DPP10: variants seen among roughly 807,000 people sequenced by gnomAD.
The protein encoded by DPP10 is dipeptidyl peptidase like 10.
DPP10 carries 33 observed loss-of-function variants against 120.9 expected under a neutral mutation model. The observed-to-expected ratio is 0.27, with a 90% confidence interval of 0.21 to 0.37. DPP10 has a LOEUF of 0.37. Ranked by LOEUF, DPP10 falls within the 10% of genes least tolerant of loss-of-function variation. The pLI is 1.00. For synonymous variants in DPP10, 337 were observed against 326.1 expected, an observed-to-expected ratio of 1.03 and a Z score of -0.36; for missense variants, 816 against 942.8, an observed-to-expected ratio of 0.87 and a Z score of 1.76.
chr2:115,036,161 G>A (rs1704213534), intron 1 of DPP10, among the ~76,000 whole-genome samples: 1 of 152,174 alleles, frequency 6.6e-6, no homozygotes, highest in Admixed American at 6.5e-5. Flanking sequence ...AGGGTGGCAG[G>A]ACAGAGTAAG....
At chr2:114,980,072 T>A (rs1699989383) in intron 1 of DPP10, among the ~76,000 whole-genome samples, 1 of 152,146 alleles carries the variant, frequency 6.6e-6, no homozygotes. Context: ...TTTATTTCCC[T>A]ACCTTCCATC....
chr2:114,918,120 C>T (rs1303621150), intron 1 of DPP10, among the ~76,000 whole-genome samples: 2 of 152,048 alleles, frequency 1.3e-5, no homozygotes, highest in Non-Finnish European at 1.5e-5. Flanking sequence ...ACCAAACAAT[C>T]TCATTAAAGA....
intron 1 of DPP10, chr2:114,462,229 A>G (rs991918920): frequency 3.9e-6 from 3 of 772,898 alleles, no homozygotes; most frequent in Non-Finnish European, 4.7e-6. Flanking sequence ...AGAGCCGTAT[A>G]TACCACCCTA....
chr2:114,490,654 G>A (rs1013604954), intron 1 of DPP10, among the ~76,000 whole-genome samples: 7 of 152,142 alleles, frequency 4.6e-5, no homozygotes, highest in African/African-American at 1.4e-4. Flanking sequence ...GGGGAGAAGA[G>A]GGAGAAGGTG....
At chr2:114,646,159 CAAATAAATAAAT>C (rs3029136) in intron 1 of DPP10, among the ~76,000 whole-genome samples, 12 of 140,724 alleles carry the variant, frequency 8.5e-5, no homozygotes, top group South Asian at 7.1e-4. Context: ...GCCTCAGTCT[CAAATAAATAAAT>C]AAATAAATAA....
chr2:115,462,746 G>C (rs1004790773), intron 3 of DPP10, among the ~76,000 whole-genome samples: 8 of 151,920 alleles, frequency 5.3e-5, no homozygotes, highest in African/African-American at 1.9e-4. Flanking sequence ...TCCTGCTTTT[G>C]TTTGAGAGAG....
intron 1 of DPP10, among the ~76,000 whole-genome samples, chr2:114,690,242 C>T (rs951851368): frequency 6.6e-6 from 1 of 151,902 alleles, no homozygotes; most frequent in Non-Finnish European, 1.5e-5. Context: ...TTTTGTATGT[C>T]TTGAGTTAAT....
chr2:115,689,994 GA>G, intron 7 of DPP10, 73 bp downstream of exon 7: 1 of 1,467,912 alleles, frequency 6.8e-7, no homozygotes, highest in Non-Finnish European at 9.3e-7. Flanking sequence ...TGAAACTTTG[GA>G]AAAACCATAG....
At chr2:114,468,956 T>C (rs1045261388) in intron 1 of DPP10, among the ~76,000 whole-genome samples, 5 of 151,820 alleles carry the variant, frequency 3.3e-5, no homozygotes, top group African/African-American at 1.2e-4. Flanking sequence ...GAAAAAAGGG[T>C]GGAAAAGGAA....
intron 21 of DPP10, among the ~76,000 whole-genome samples, chr2:115,818,339 A>G (rs994558976): frequency 4.6e-5 from 7 of 152,250 alleles, no homozygotes; most frequent in African/African-American, 9.6e-5. Context: ...AAAAAAGTAC[A>G]TGCAGTAGGG....
intron 3 of DPP10, among the ~76,000 whole-genome samples, chr2:115,389,038 T>C (rs2106530360): frequency 6.6e-6 from 1 of 152,322 alleles, no homozygotes; most frequent in Non-Finnish European, 1.5e-5. Context: ...CTTCTCCAAC[T>C]TTCCTTTACC....
Position 115,663,005 on chromosome 2 carries a change from T to A in DPP10, c.442-26682T>A, listed in dbSNP as rs1002865054. Among the ~76,000 whole-genome samples, 6 of 152,072 alleles carry A rather than the reference T, an allele frequency of 3.9e-5. 1 individual carries two copies. Among genetic ancestry groups the A allele is most frequent in the Admixed American group, 1.3e-4 (2 of 15,260 alleles). ...AATTTTTATTTTTTATTTTATCTTT[T>A]TTTACAATTTTTGTGGGTACATACT... On this transcript the variant is annotated intron_variant, in intron 5 of 25. Coordinates refer to ENST00000410059, the MANE Select transcript of DPP10 (RefSeq NM_020868.6).
chr2:115,541,883 G>A (rs530594821), intron 5 of DPP10, among the ~76,000 whole-genome samples: 3 of 151,870 alleles, frequency 2.0e-5, no homozygotes, highest in South Asian at 4.2e-4. Flanking sequence ...GTGCTAGGGA[G>A]ACTTTTATTT....
chr2:115,221,675 T>G (rs2057167562), intron 1 of DPP10, among the ~76,000 whole-genome samples: 1 of 151,880 alleles, frequency 6.6e-6, no homozygotes, highest in African/African-American at 2.4e-5. Flanking sequence ...TCATGGACAC[T>G]AGAAGAGATT....
In DPP10 at chr2:115,756,389, A is replaced by T. The variant is rs551588135; in HGVS notation, c.1074+3092A>T. 5.3e-5 allele frequency among the ~76,000 whole-genome samples: 8 copies of T among 152,272 alleles called. No homozygotes were observed. In the East Asian group the frequency reaches 1.5e-3, roughly 29 times the overall value. The stretch of plus-strand genomic sequence containing the variant: ...GTTTGAGGTAGTGGATATATTAATT[A>T]TCCTGACTTTGTCATTACACATTTT... On this transcript the variant is annotated intron_variant, in intron 11 of 25. Coordinates refer to ENST00000410059, the MANE Select transcript of DPP10 (RefSeq NM_020868.6).
At chr2:115,313,169 G>A (rs756155416) in intron 2 of DPP10, among the ~76,000 whole-genome samples, 5 of 152,080 alleles carry the variant, frequency 3.3e-5, no homozygotes, top group Non-Finnish European at 7.4e-5. Context: ...GTTGCAGTGA[G>A]CCCAGATCGC....
At chr2:115,526,285 T>C (rs760804778) in intron 5 of DPP10, 5 of 250,844 alleles carry the variant, frequency 2.0e-5, no homozygotes, top group Non-Finnish European at 3.8e-5. Flanking sequence ...AAGATAAGCC[T>C]TACCATATAC....
At chr2:115,387,579 G>T (rs1296319966) in intron 3 of DPP10, among the ~76,000 whole-genome samples, 1 of 152,070 alleles carries the variant, frequency 6.6e-6, no homozygotes. Flanking sequence ...TCTAAAGAAA[G>T]TAAAGATCCC....
At chr2:114,594,997 GTGTTTGTTCTATGCTTTCTTGT>G (rs1691790177) in intron 1 of DPP10, among the ~76,000 whole-genome samples, 1 of 151,678 alleles carries the variant, frequency 6.6e-6, no homozygotes. Context: ...TTCTCTCTTG[GTGTTTGTTCTATGCTTTCTTGT>G]AAAAAAACAT....
Sources: allele counts gnomAD v4.1 joint callset (sites outside exome capture counted in the v4.1 genomes callset), GRCh38; gene constraint gnomAD v4.1.1; transcripts MANE v1.5; gene names NCBI Gene and HGNC (gene_info 2026-07-23, HGNC 2026-07-21).